PTPRD: variants seen among roughly 807,000 people sequenced by gnomAD.
PTPRD encodes the protein protein tyrosine phosphatase receptor type D.
A neutral mutation model predicts 214.5 loss-of-function variants in PTPRD; 34 were observed. The ratio of observed to expected loss-of-function variants is 0.16; its 90% CI spans 0.12 to 0.21. The LOEUF (loss-of-function observed/expected upper bound fraction) is 0.21. PTPRD is among the 10% of genes least tolerant of loss of function. The probability of loss-of-function intolerance (pLI) is 1.00; values close to 1 mark genes in which losing one functional copy is unlikely to be tolerated. For missense variants in PTPRD, 2,545 were observed against 2,398.7 expected (o/e 1.06, Z -1.27); for synonymous variants, 1,128 against 845.7 (o/e 1.33, Z -5.79).
chr9:10,534,949 C>A (rs1048690213), intron 2 of PTPRD, among the ~76,000 whole-genome samples: 2 of 152,142 alleles, frequency 1.3e-5, no homozygotes, highest in Non-Finnish European at 2.9e-5. Context: ...AGCAACATTG[C>A]AGCCCACTTC....
rs990330668 is a variant in PTPRD, at chr9:10,490,194, A to T, written c.-600+122204T>A. Among the ~76,000 whole-genome samples the T allele has an allele frequency of 3.3e-5, 5 of 152,336 alleles. No homozygotes were observed. In the East Asian group the frequency reaches 9.6e-4, roughly 29 times the overall value. Reference sequence around the variant, plus strand: ...TATAGTTATTTTTCTCTATATCAACATTTAAATTGGTAGACAGGAGAAAAT... The same window carrying T: ...TATAGTTATTTTTCTCTATATCAACTTTTAAATTGGTAGACAGGAGAAAAT... On this transcript the variant is annotated intron_variant, in intron 2 of 45. Transcript: ENST00000381196.
intron 2 of PTPRD, among the ~76,000 whole-genome samples, chr9:10,414,844 G>C (rs2098471843): frequency 6.6e-6 from 1 of 151,738 alleles, no homozygotes; most frequent in Non-Finnish European, 1.5e-5. Context: ...GAAACAGAAA[G>C]GCAAATACCA....
intron 6 of PTPRD, among the ~76,000 whole-genome samples, chr9:9,748,707 C>T (rs902373410): frequency 6.6e-6 from 1 of 152,148 alleles, no homozygotes; most frequent in African/African-American, 2.4e-5. Flanking sequence ...AAAATTATTT[C>T]AGGCTTTCGT....
intron 5 of PTPRD, among the ~76,000 whole-genome samples, chr9:9,843,013 G>C (rs2058698709): frequency 6.6e-6 from 1 of 152,080 alleles, no homozygotes. Flanking sequence ...ATGGCCCTTG[G>C]ACCAATTCAA....
intron 11 of PTPRD, among the ~76,000 whole-genome samples, chr9:8,911,415 T>TGGTGTG (rs1555510111): frequency 5.5e-5 from 7 of 127,732 alleles, no homozygotes; most frequent in African/African-American, 1.9e-4. Context: ...TGTGTGTGTG[T>TGGTGTG]TGTGTGTGTG....
chr9:8,537,657 G>A (rs964714942), intron 14 of PTPRD, among the ~76,000 whole-genome samples: 6 of 151,986 alleles, frequency 3.9e-5, no homozygotes, highest in Admixed American at 1.3e-4. Context: ...CTCATTAGCA[G>A]CTACTAAATA....
At chr9:9,271,931 T>C (rs190096720) in intron 9 of PTPRD, among the ~76,000 whole-genome samples, 150 of 151,522 alleles carry the variant, frequency 9.9e-4, no homozygotes, top group African/African-American at 3.4e-3. Context: ...AGAAACTTCA[T>C]TGTTTATAGA....
At chr9:10,087,137 GT>G (rs5896366) in intron 3 of PTPRD, among the ~76,000 whole-genome samples, 39,494 of 146,568 alleles carry the variant, frequency 0.27, 5,554 homozygotes, top group East Asian at 0.52. Flanking sequence ...ATGTTTTAGA[GT>G]TTTTTTTTTT....
Position 8,882,363 on chromosome 9 carries a change from G to A in PTPRD, c.-104+136334C>T, listed in dbSNP as rs897625094. On this transcript the variant is annotated intron_variant, in intron 11 of 45. Transcript: ENST00000381196. The stretch of plus-strand genomic sequence containing the variant: ...AGATTGCAAAATTACAGATCCAAGC[G>A]GTGAAGTAATTTGTTGTAGACCACA... Among the ~76,000 whole-genome samples, 4 of 152,120 alleles carry A rather than the reference G, an allele frequency of 2.6e-5. No homozygotes were observed. The East Asian group carries it at 5.8e-4, about 22-fold the overall frequency.
intron 6 of PTPRD, among the ~76,000 whole-genome samples, chr9:9,738,096 C>A (rs1436105695): frequency 6.9e-6 from 1 of 144,760 alleles, no homozygotes. Flanking sequence ...ACACCGGGGC[C>A]TGTTGTGAGG....
intron 10 of PTPRD, among the ~76,000 whole-genome samples, chr9:9,090,481 T>C (rs1204935090): frequency 6.6e-6 from 1 of 152,206 alleles, no homozygotes; most frequent in African/African-American, 2.4e-5. Context: ...TTGTACCACA[T>C]GGGTAATGGC....
intron 4 of PTPRD, among the ~76,000 whole-genome samples, chr9:9,980,127 A>G (rs951487280): frequency 6.6e-6 from 1 of 152,174 alleles, no homozygotes; most frequent in Non-Finnish European, 1.5e-5. Flanking sequence ...AATATTTCAA[A>G]ATTAAGCATT....
chr9:10,300,476 C>T (rs1191886022), intron 3 of PTPRD, among the ~76,000 whole-genome samples: 2 of 152,180 alleles, frequency 1.3e-5, no homozygotes, highest in Non-Finnish European at 1.5e-5. Flanking sequence ...CTGTGGGTCC[C>T]CCCTCCACCA....
chr9:10,037,717 G>C (rs1467972813), intron 3 of PTPRD, among the ~76,000 whole-genome samples: 1 of 151,874 alleles, frequency 6.6e-6, no homozygotes, highest in Admixed American at 6.6e-5. Context: ...TCGTTTTCTT[G>C]GAAAAGATGT....
intron 3 of PTPRD, among the ~76,000 whole-genome samples, chr9:10,074,215 G>C (rs867420436): frequency 6.6e-6 from 1 of 152,070 alleles, no homozygotes; most frequent in African/African-American, 2.4e-5. Flanking sequence ...CTGCTTATGT[G>C]CCATTTAAGA....
chr9:8,814,537 A>C (rs1034183662), intron 11 of PTPRD, among the ~76,000 whole-genome samples: 2 of 152,196 alleles, frequency 1.3e-5, no homozygotes, highest in Non-Finnish European at 2.9e-5. Context: ...GGAAGAAGAC[A>C]TACCTGAGGC....
At chr9:8,480,712 C>T (rs35679431) in intron 30 of PTPRD, among the ~76,000 whole-genome samples, 1 of 152,072 alleles carries the variant, frequency 6.6e-6, no homozygotes, top group African/African-American at 2.4e-5. Flanking sequence ...TCATAAATAT[C>T]CTTTATCTGT....
chr9:8,331,165 C>A (rs10758954), intron 44 of PTPRD, among the ~76,000 whole-genome samples: 58,517 of 151,914 alleles, frequency 0.39, 15,473 homozygotes, highest in African/African-American at 0.75. Context: ...ACTGGCAGAA[C>A]TTAATATTGT....
intron 4 of PTPRD, among the ~76,000 whole-genome samples, chr9:9,959,807 G>C (rs773147214): frequency 1.2e-4 from 19 of 152,192 alleles, no homozygotes; most frequent in Non-Finnish European, 2.4e-4. Context: ...AGCTTTTTCA[G>C]ATAAGCAAGG....
Sources: gnomAD v4.1 joint callset for allele counts (sites outside exome capture counted in the v4.1 genomes callset) on GRCh38, gnomAD v4.1.1 for gene constraint, MANE v1.5 for transcripts, NCBI Gene and HGNC (gene_info 2026-07-23, HGNC 2026-07-21) for gene names.